MACROD2: variants seen among roughly 807,000 people sequenced by gnomAD.
MACROD2 encodes the protein mono-ADP ribosylhydrolase 2.
MACROD2 carries 36 observed loss-of-function variants against 70.4 expected under a neutral mutation model. The observed-to-expected ratio is 0.51, with a 90% CI of 0.39 to 0.68. The LOEUF (loss-of-function observed/expected upper bound fraction) is 0.68. Among genes scored for constraint, MACROD2 ranks in the 30% least tolerant of loss-of-function variants. The pLI, the probability that MACROD2 is intolerant of heterozygous loss-of-function variation, is 0.00. For missense variants in MACROD2, 496 were observed against 538.4 expected (o/e 0.92, Z 0.78); for synonymous variants, 172 against 178.8 (o/e 0.96, Z 0.30).
At chr20:15,505,587 C>A (rs1568854922) in intron 8 of MACROD2, among the ~76,000 whole-genome samples, 1 of 152,138 alleles carries the variant, frequency 6.6e-6, no homozygotes. Context: ...TGGACTCCTT[C>A]CCGCTGCACT....
chr20:15,513,252 G>C (rs983996354), intron 8 of MACROD2, among the ~76,000 whole-genome samples: 1 of 152,084 alleles, frequency 6.6e-6, no homozygotes. Context: ...AAATAGTCAC[G>C]TTCTGTTCGG....
chr20:14,470,537 C>G (rs1006220757), intron 3 of MACROD2, among the ~76,000 whole-genome samples: 6 of 152,140 alleles, frequency 3.9e-5, no homozygotes, highest in African/African-American at 1.4e-4. Flanking sequence ...GCCCCTACCC[C>G]CAGGTGCTCT....
At chr20:14,097,814 C>T (rs377129052) in intron 3 of MACROD2, among the ~76,000 whole-genome samples, 2 of 152,078 alleles carry the variant, frequency 1.3e-5, no homozygotes, top group South Asian at 4.1e-4. Flanking sequence ...TTCATATACA[C>T]CTTATACACA....
chr20:15,036,817 G>T (rs916039946), intron 5 of MACROD2, among the ~76,000 whole-genome samples: 5 of 151,846 alleles, frequency 3.3e-5, no homozygotes, highest in African/African-American at 1.2e-4. Context: ...CTGTACAAAA[G>T]TTTGCACATC....
At chr20:14,605,790 T>A (rs1173801656) in intron 4 of MACROD2, among the ~76,000 whole-genome samples, 1 of 152,146 alleles carries the variant, frequency 6.6e-6, no homozygotes. Flanking sequence ...TTTATGATAA[T>A]CAATTTTCTA....
At chr20:15,427,403 T>C (rs2046312723) in intron 6 of MACROD2, among the ~76,000 whole-genome samples, 1 of 152,238 alleles carries the variant, frequency 6.6e-6, no homozygotes, top group African/African-American at 2.4e-5. Context: ...CTGCTAGATC[T>C]GATAGGAGAA....
At chr20:15,990,765 C>G (rs554926709) in intron 15 of MACROD2, among the ~76,000 whole-genome samples, 1 of 152,188 alleles carries the variant, frequency 6.6e-6, no homozygotes, top group Non-Finnish European at 1.5e-5. Context: ...AGTGTACAGA[C>G]AGCCATGGCT....
chr20:15,101,761 A>G (rs984670977), intron 5 of MACROD2, among the ~76,000 whole-genome samples: 2 of 151,990 alleles, frequency 1.3e-5, no homozygotes. Context: ...GTAATTTATA[A>G]TCTTAGAAGA....
chr20:16,019,370 A>T (rs547715163), intron 15 of MACROD2, among the ~76,000 whole-genome samples: 1 of 152,286 alleles, frequency 6.6e-6, no homozygotes, highest in African/African-American at 2.4e-5. Context: ...CTGCAGTGTG[A>T]GTAGGGTTAG....
At chr20:14,903,260 C>T (rs1179378242) in intron 5 of MACROD2, among the ~76,000 whole-genome samples, 2 of 152,014 alleles carry the variant, frequency 1.3e-5, no homozygotes, top group Non-Finnish European at 2.9e-5. Context: ...AAGCTGGTCT[C>T]AAACTTCTGA....
chr20:15,281,265 T>C (rs2077441899), intron 6 of MACROD2, among the ~76,000 whole-genome samples: 1 of 152,120 alleles, frequency 6.6e-6, no homozygotes, highest in East Asian at 1.9e-4. Context: ...CCTGGCAGAA[T>C]CTCATGTCTT....
At chr20:14,313,455 A>G (rs529640915) in intron 3 of MACROD2, among the ~76,000 whole-genome samples, 2 of 150,952 alleles carry the variant, frequency 1.3e-5, no homozygotes, top group African/African-American at 2.4e-5. Context: ...TTTTGTCCCA[A>G]AATGAAGGTG....
chr20:15,234,009 A>ATATATATTTTTTTTTTTTTT (rs1555795277), intron 6 of MACROD2, among the ~76,000 whole-genome samples: 1 of 39,998 alleles, frequency 2.5e-5, no homozygotes, highest in Non-Finnish European at 4.7e-5. Context: ...ATATATATAT[A>ATATATATTTTTTTTTTTTTT]TTCTTTTTTT....
intron 5 of MACROD2, among the ~76,000 whole-genome samples, chr20:14,989,332 C>T (rs1227905848): frequency 1.3e-5 from 2 of 152,140 alleles, no homozygotes; most frequent in Non-Finnish European, 2.9e-5. Context: ...TAGGGAAGAT[C>T]CCCAAATGCC....
intron 6 of MACROD2, among the ~76,000 whole-genome samples, chr20:15,406,120 C>T (rs2045997601): frequency 6.6e-6 from 1 of 152,156 alleles, no homozygotes; most frequent in South Asian, 2.1e-4. Context: ...ATCCTTTCTC[C>T]TCTAAGTTGC....
At chr20:14,619,807 C>G (rs1433791853) in intron 4 of MACROD2, among the ~76,000 whole-genome samples, 2 of 152,106 alleles carry the variant, frequency 1.3e-5, no homozygotes, top group Non-Finnish European at 2.9e-5. Flanking sequence ...GCGCTTAAAT[C>G]AACAACAAAA....
chr20:14,437,798 G>GT (rs2084074642), intron 3 of MACROD2, among the ~76,000 whole-genome samples: 1 of 152,060 alleles, frequency 6.6e-6, no homozygotes, highest in East Asian at 1.9e-4. Flanking sequence ...TGTTTGAAGT[G>GT]TTGCCTATTA....
At chr20:14,041,148 T>G (rs936314806) in intron 2 of MACROD2, among the ~76,000 whole-genome samples, 19 of 152,202 alleles carry the variant, frequency 1.2e-4, no homozygotes, top group African/African-American at 4.1e-4. Context: ...TTGCAAATTT[T>G]TATAATGTAG....
intron 5 of MACROD2, among the ~76,000 whole-genome samples, chr20:15,074,886 G>A (rs1249519332): frequency 6.6e-6 from 1 of 152,138 alleles, no homozygotes; most frequent in Non-Finnish European, 1.5e-5. Flanking sequence ...GGCACTGCAA[G>A]CGATACACAC....
Sources: gnomAD v4.1 joint callset for allele counts (sites outside exome capture counted in the v4.1 genomes callset) on GRCh38, gnomAD v4.1.1 for gene constraint, MANE v1.5 for transcripts, NCBI Gene and HGNC (gene_info 2026-07-23, HGNC 2026-07-21) for gene names.